FOCAD: variants seen among roughly 807,000 people sequenced by gnomAD.
FOCAD encodes the protein KIAA1797.
Under a neutral mutation model 225.6 loss-of-function variants are expected in FOCAD, and 198 were observed. The observed-to-expected ratio is 0.88, with a 90% CI of 0.78 to 0.99. The LOEUF (loss-of-function observed/expected upper bound fraction) is 0.99, where lower values mean the gene tolerates loss of function less well. Ranked by LOEUF, FOCAD falls within the 50% of genes least tolerant of loss-of-function variation. The pLI is 0.00. For missense variants in FOCAD, 2,713 were observed against 2,123.6 expected (o/e 1.28, Z -5.46); for synonymous variants, 897 against 755.0 (o/e 1.19, Z -3.08).
intron 11 of FOCAD, among the ~76,000 whole-genome samples, chr9:20,815,654 A>G (rs918445311): frequency 2.0e-5 from 3 of 152,038 alleles, no homozygotes; most frequent in African/African-American, 7.2e-5. Context: ...TAATTTGTTT[A>G]TCAAGGAACT....
At chr9:20,874,883 G>C in intron 19 of FOCAD, 76 bp downstream of exon 19, 1 of 1,551,818 alleles carries the variant, frequency 6.4e-7, no homozygotes, top group Non-Finnish European at 8.9e-7. Context: ...TTTTGTGATA[G>C]GTACATAGTA....
intron 2 of FOCAD, among the ~76,000 whole-genome samples, chr9:20,662,495 G>T (rs1052995641): frequency 6.6e-6 from 1 of 152,164 alleles, no homozygotes; most frequent in Non-Finnish European, 1.5e-5. Context: ...AGCCTCCTAA[G>T]CTCCCAGCCA....
chr9:20,823,187 T>C, intron 15 of FOCAD, 72 bp downstream of exon 15: 2 of 1,463,184 alleles, frequency 1.4e-6, no homozygotes, highest in East Asian at 5.0e-5. Context: ...TACAAGAATG[T>C]AAGATTAGAT....
At chr9:20,971,211 A>G (rs1839728046) in intron 35 of FOCAD, among the ~76,000 whole-genome samples, 1 of 152,186 alleles carries the variant, frequency 6.6e-6, no homozygotes. Flanking sequence ...ATTATTACAC[A>G]TTGCATGCCT....
intron 20 of FOCAD, among the ~76,000 whole-genome samples, chr9:20,884,497 A>G (rs1046316200): frequency 2.6e-5 from 4 of 151,950 alleles, no homozygotes; most frequent in African/African-American, 9.7e-5. Context: ...GGGTTTCACC[A>G]TGTTGACCTG....
intron 21 of FOCAD, among the ~76,000 whole-genome samples, chr9:20,891,844 G>T (rs1004535422): frequency 3.3e-5 from 5 of 152,190 alleles, no homozygotes; most frequent in African/African-American, 1.2e-4. Context: ...AGGTGAAAGA[G>T]CTGTCTATTG....
intron 11 of FOCAD, among the ~76,000 whole-genome samples, chr9:20,808,452 C>T (rs1272303641): frequency 2.0e-5 from 3 of 152,092 alleles, no homozygotes; most frequent in African/African-American, 7.2e-5. Flanking sequence ...TAAAGGTGTG[C>T]ATAAAGTTAG....
chr9:20,917,016 G>A (rs1833931307), intron 24 of FOCAD, 79 bp downstream of exon 24: 1 of 1,115,850 alleles, frequency 9.0e-7, no homozygotes, highest in South Asian at 1.6e-5. Flanking sequence ...TCTCCTTTTA[G>A]GGCATTTCAT....
intron 35 of FOCAD, among the ~76,000 whole-genome samples, chr9:20,963,786 G>A (rs181587849): frequency 2.1e-4 from 32 of 152,236 alleles, no homozygotes; most frequent in East Asian, 1.7e-3. Context: ...GATACTTAGC[G>A]CATATGTGTA....
chr9:20,912,914 C>G lies in FOCAD; in HGVS notation c.2767C>G (p.Pro923Ala), dbSNP rs1476315962. The G allele has an allele frequency of 6.2e-7, 1 of 1,613,158 alleles. No individual in the cohort carries two copies. The highest frequency in any genetic ancestry group is 8.5e-7 in the Non-Finnish European group (1 of 1,179,548). ...GCAGTTAAAACATGGAAAAGAAGAA[C>G]CTGAGGAGGTGCAGTACAAAAAAAG... is the stretch of plus-strand genomic sequence containing the variant. ...ELQLKHGKEE[P>A]EEVQYKKSTA... The change falls in exon 23 of 44, where the codon CCT becomes GCT. Residue 923 changes from proline to alanine, a missense_variant. Transcript: ENST00000338382.
rs35739973 is a variant in FOCAD, at chr9:20,888,123, T to C, written c.2625+2893T>C. ...GTGTGTTACATGTCTTTTCATTTTC[T>C]TTTTTTTTTTTTCTTCTTTTTTTTT... On this transcript the variant is annotated intron_variant, in intron 21 of 43. Coordinates refer to ENST00000338382, the MANE Select transcript of FOCAD (RefSeq NM_001375567.1). 5.7e-5 allele frequency among the ~76,000 whole-genome samples: 8 copies of C among 141,154 alleles called. No individual in the cohort carries two copies. The South Asian group carries it at 1.4e-3, about 24-fold the overall frequency. The allele number at this position is 141,154 out of a possible 152,430, so 92.6% of individuals were successfully genotyped here.
At chr9:20,980,179 A>T (rs1419174660) in intron 37 of FOCAD, among the ~76,000 whole-genome samples, 1 of 151,788 alleles carries the variant, frequency 6.6e-6, no homozygotes, top group Non-Finnish European at 1.5e-5. Flanking sequence ...GAATGGAATT[A>T]TACAATATGA....
chr9:20,897,433 C>T (rs1163915266), intron 21 of FOCAD, among the ~76,000 whole-genome samples: 1 of 150,334 alleles, frequency 6.7e-6, no homozygotes. Context: ...CTGTTTGTTG[C>T]TCATGTTCTT....
At chr9:20,779,567 G>A (rs530633508) in intron 9 of FOCAD, among the ~76,000 whole-genome samples, 231 of 152,228 alleles carry the variant, frequency 1.5e-3, no homozygotes, top group African/African-American at 5.4e-3. Context: ...GGGTAATATG[G>A]TGAAACCCTG....
Position 20,923,737 on chromosome 9 carries a change from G to C in FOCAD, c.2930G>C (p.Ser977Thr). ...LAVVVSRHEA[S>T]LSSDSDGLLE... ...GTCGTCGTATCTAGACATGAAGCCAGCCTCTCCTCAGACTCTGACGGGCTC... is the reference window on the plus strand; with the variant it reads ...GTCGTCGTATCTAGACATGAAGCCACCCTCTCCTCAGACTCTGACGGGCTC... Residue 977 changes from serine (S) to threonine (T), a missense_variant, in exon 25 of 44, where the codon AGC (serine) becomes ACC (threonine). Transcript: ENST00000338382. The C allele has an allele frequency of 6.2e-7, 1 of 1,613,976 alleles. No individual in the cohort carries two copies. Among genetic ancestry groups the C allele is most frequent in the Non-Finnish European group, 8.5e-7 (1 of 1,179,918 alleles).
chr9:20,798,981 A>G (rs1821464102), intron 11 of FOCAD, among the ~76,000 whole-genome samples: 1 of 152,168 alleles, frequency 6.6e-6, no homozygotes, highest in Admixed American at 6.5e-5. Flanking sequence ...TCTTGTGGAC[A>G]TTTATTGCTA....
intron 7 of FOCAD, among the ~76,000 whole-genome samples, chr9:20,768,584 A>T (rs1350852380): frequency 1.3e-5 from 2 of 151,962 alleles, no homozygotes; most frequent in Non-Finnish European, 2.9e-5. Flanking sequence ...ATTCTCTTTG[A>T]AGCAATTGTG....
intron 15 of FOCAD, among the ~76,000 whole-genome samples, chr9:20,837,868 A>C (rs908172141): frequency 3.9e-5 from 6 of 152,250 alleles, no homozygotes; most frequent in African/African-American, 1.4e-4. Context: ...AAAATAACTA[A>C]GAGACTCATT....
At chr9:20,976,873 G>A (rs1388150101) in intron 36 of FOCAD, among the ~76,000 whole-genome samples, 3 of 152,136 alleles carry the variant, frequency 2.0e-5, no homozygotes, top group Non-Finnish European at 1.5e-5. Context: ...CATAGGTTTC[G>A]AGAAGTACCA....
Sources: allele counts gnomAD v4.1 joint callset (sites outside exome capture counted in the v4.1 genomes callset), GRCh38; gene constraint gnomAD v4.1.1; transcripts MANE v1.5; gene names NCBI Gene and HGNC (gene_info 2026-07-23, HGNC 2026-07-21).